Variants in MACROD2 observed in about 807,000 individuals in gnomAD.
MACROD2 encodes mono-ADP ribosylhydrolase 2.
In MACROD2, 36 loss-of-function variants were observed where a neutral mutation model predicts 70.4. The observed-to-expected ratio is 0.51, with a 90% confidence interval of 0.39 to 0.68. The LOEUF is 0.68. Ranked by LOEUF, MACROD2 falls within the 30% of genes least tolerant of loss-of-function variation. The probability of loss-of-function intolerance (pLI) is 0.00; values close to 1 mark genes in which losing one functional copy is unlikely to be tolerated. For missense variants in MACROD2, 496 were observed against 538.4 expected, an observed-to-expected ratio of 0.92 and a Z score of 0.78; for synonymous variants, 172 against 178.8, an observed-to-expected ratio of 0.96 and a Z score of 0.30.
chr20:15,492,324 A>G (rs2047241796), intron 7 of MACROD2, among the ~76,000 whole-genome samples: 4 of 151,690 alleles, frequency 2.6e-5, no homozygotes, highest in Admixed American at 2.6e-4. Flanking sequence ...AAAAAAATGT[A>G]TTGCCCAGTA....
intron 3 of MACROD2, among the ~76,000 whole-genome samples, chr20:14,298,219 A>G (rs1288148749): frequency 3.3e-5 from 5 of 151,944 alleles, no homozygotes; most frequent in Non-Finnish European, 5.9e-5. Context: ...CTAATACAAC[A>G]TCCATTCTGC....
intron 8 of MACROD2, among the ~76,000 whole-genome samples, chr20:15,801,519 G>A (rs984664404): frequency 6.6e-6 from 1 of 151,518 alleles, no homozygotes; most frequent in Non-Finnish European, 1.5e-5. Flanking sequence ...TGAAATACAT[G>A]GACTTACTTC....
intron 8 of MACROD2, among the ~76,000 whole-genome samples, chr20:15,530,250 G>A (rs542601679): frequency 3.3e-5 from 5 of 152,128 alleles, no homozygotes; most frequent in Non-Finnish European, 5.9e-5. Flanking sequence ...ATTTGATGAA[G>A]GAGACAGAAA....
chr20:15,904,025 T>C (rs1209615773), intron 10 of MACROD2, among the ~76,000 whole-genome samples: 1 of 152,186 alleles, frequency 6.6e-6, no homozygotes, highest in African/African-American at 2.4e-5. Context: ...AGAATAGAAG[T>C]TGTACCCTGG....
chr20:15,910,376 G>A (rs866966222), intron 10 of MACROD2, among the ~76,000 whole-genome samples: 2 of 150,416 alleles, frequency 1.3e-5, no homozygotes, highest in Middle Eastern at 3.2e-3. Context: ...GGATTGTGAT[G>A]TGGCCAAGTC....
At chr20:14,306,907 C>T (rs1027395048) in intron 3 of MACROD2, among the ~76,000 whole-genome samples, 3 of 152,022 alleles carry the variant, frequency 2.0e-5, no homozygotes, top group African/African-American at 7.2e-5. Flanking sequence ...GCAAATGCCA[C>T]TATTTGATAC....
intron 8 of MACROD2, among the ~76,000 whole-genome samples, chr20:15,611,477 C>T (rs1439254099): frequency 2.0e-5 from 3 of 152,090 alleles, no homozygotes; most frequent in Non-Finnish European, 4.4e-5. Flanking sequence ...TTAATAAACA[C>T]CCTGCATGCT....
intron 4 of MACROD2, among the ~76,000 whole-genome samples, chr20:14,580,761 A>G (rs1232538392): frequency 6.6e-6 from 1 of 152,222 alleles, no homozygotes; most frequent in Non-Finnish European, 1.5e-5. Context: ...AGTTTGTGCC[A>G]AACACTTCAG....
chr20:14,061,582 A>G (rs949073530), intron 2 of MACROD2, among the ~76,000 whole-genome samples: 16 of 152,126 alleles, frequency 1.1e-4, no homozygotes, highest in African/African-American at 3.4e-4. Context: ...TAAGTACTCT[A>G]GGACAGATGT....
chr20:14,385,855 C>T (rs1439640380), intron 3 of MACROD2, among the ~76,000 whole-genome samples: 1 of 152,196 alleles, frequency 6.6e-6, no homozygotes, highest in Admixed American at 6.5e-5. Flanking sequence ...GCTCAGATAA[C>T]AACTGCATAT....
chr20:14,454,913 T>C (rs1165419124), intron 3 of MACROD2, among the ~76,000 whole-genome samples: 1 of 151,912 alleles, frequency 6.6e-6, no homozygotes, highest in Non-Finnish European at 1.5e-5. Flanking sequence ...CCACCACGCC[T>C]GGCTAATTTT....
At chr20:15,620,812 G>A (rs532414711) in intron 8 of MACROD2, among the ~76,000 whole-genome samples, 20 of 151,958 alleles carry the variant, frequency 1.3e-4, no homozygotes, top group African/African-American at 1.9e-4. Context: ...CATCATTGCC[G>A]GTTAGATGGC....
intron 6 of MACROD2, among the ~76,000 whole-genome samples, chr20:15,372,748 A>C (rs2045510227): frequency 6.6e-6 from 1 of 152,122 alleles, no homozygotes; most frequent in Non-Finnish European, 1.5e-5. Flanking sequence ...TCTGCCATTC[A>C]TGTCTTCACA....
chr20:15,443,998 C>G (rs1265895519), intron 7 of MACROD2, among the ~76,000 whole-genome samples: 8 of 152,126 alleles, frequency 5.3e-5, no homozygotes, highest in Admixed American at 5.2e-4. Flanking sequence ...AACTGTAATT[C>G]ACAGAGTTGC....
At chr20:15,276,450 AACTT>A (rs1600184555) in intron 6 of MACROD2, among the ~76,000 whole-genome samples, 1 of 152,136 alleles carries the variant, frequency 6.6e-6, no homozygotes, top group East Asian at 1.9e-4. Context: ...GCTAAGAACT[AACTT>A]AACTAGTTAT....
intron 3 of MACROD2, among the ~76,000 whole-genome samples, chr20:14,482,944 A>G (rs1363965819): frequency 6.6e-6 from 1 of 152,200 alleles, no homozygotes; most frequent in Non-Finnish European, 1.5e-5. Context: ...ATGTTACTTA[A>G]CCTCTCCGTG....
chr20:14,491,184 A>G (rs963509590), intron 3 of MACROD2, among the ~76,000 whole-genome samples: 2 of 152,188 alleles, frequency 1.3e-5, no homozygotes, highest in Non-Finnish European at 2.9e-5. Flanking sequence ...TAATAACTAC[A>G]AATAACAATA....
At chr20:15,045,744 T>TTTTTCC (rs11482249) in intron 5 of MACROD2, among the ~76,000 whole-genome samples, 105 of 134,650 alleles carry the variant, frequency 7.8e-4, no homozygotes, top group Non-Finnish European at 1.3e-3. Context: ...TTTTTTTTTT[T>TTTTTCC]CCCTTTCTGA....
chr20:14,421,187 C>T (rs750584575), intron 3 of MACROD2, among the ~76,000 whole-genome samples: 7 of 152,108 alleles, frequency 4.6e-5, no homozygotes, highest in East Asian at 1.9e-4. Context: ...TTTCTTGTAG[C>T]GTCTTTGGTT....
Sources: allele counts gnomAD v4.1 joint callset (sites outside exome capture counted in the v4.1 genomes callset), GRCh38; gene constraint gnomAD v4.1.1; transcripts MANE v1.5; gene names NCBI Gene and HGNC (gene_info 2026-07-23, HGNC 2026-07-21).